The following COL4A6 variants were observed in gnomAD, a reference collection of about 807,000 sequenced individuals.
COL4A6 encodes collagen type IV alpha 6 chain.
A neutral mutation model predicts 126.7 loss-of-function variants in COL4A6; 59 were observed. That is an observed-to-expected ratio of 0.47 (90% CI 0.38 to 0.58). COL4A6 has a LOEUF of 0.58. COL4A6 is among the 20% of genes least tolerant of loss of function. COL4A6 has a pLI of 0.00. For synonymous variants in COL4A6, 547 were observed against 496.6 expected (o/e 1.10, Z -1.35); for missense variants, 1,285 against 1,337.3 (o/e 0.96, Z 0.61).
intron 2 of COL4A6, among the ~76,000 whole-genome samples, chrX:108,388,653 T>C (rs985057116): frequency 5.4e-5 from 6 of 111,752 alleles, no homozygotes; most frequent in African/African-American, 1.3e-4. Flanking sequence ...TTGTTGATCT[T>C]TTCAAAAAAC....
chrX:108,392,781 A>G (rs2040866508), intron 2 of COL4A6, among the ~76,000 whole-genome samples: 1 of 111,891 alleles, frequency 8.9e-6, no homozygotes, highest in Non-Finnish European at 1.9e-5. Context: ...TGCTTCCACC[A>G]CATGAGAACA....
intron 2 of COL4A6, among the ~76,000 whole-genome samples, chrX:108,322,008 T>G (rs995255027): frequency 9.0e-6 from 1 of 111,519 alleles, no homozygotes; most frequent in Non-Finnish European, 1.9e-5. Context: ...AGACCCAGGT[T>G]TGGCTCAAAA....
At chrX:108,178,337 A>G (rs746867561) in intron 27 of COL4A6, among the ~76,000 whole-genome samples, 2 of 112,497 alleles carry the variant, frequency 1.8e-5, no homozygotes, top group South Asian at 7.4e-4. Flanking sequence ...GGCTGCCCAC[A>G]GCACCAGTGA....
intron 3 of COL4A6, among the ~76,000 whole-genome samples, chrX:108,244,465 G>A (rs892577600): frequency 2.7e-4 from 30 of 111,193 alleles, no homozygotes; most frequent in African/African-American, 5.2e-4. Flanking sequence ...AATTCCTCAC[G>A]TCTTAGGATC....
chrX:108,287,290 G>A (rs12558204), intron 3 of COL4A6, among the ~76,000 whole-genome samples: 1 of 111,913 alleles, frequency 8.9e-6, no homozygotes, highest in African/African-American at 3.2e-5. Flanking sequence ...TTTCTCATTA[G>A]GAGTCCTATT....
chrX:108,362,098 A>C (rs1641673712), intron 2 of COL4A6, among the ~76,000 whole-genome samples: 1 of 110,735 alleles, frequency 9.0e-6, no homozygotes, highest in African/African-American at 3.3e-5. Flanking sequence ...AGAAAGAGAG[A>C]GAGAGACAGA....
At chrX:108,375,403 T>C (rs1032085890) in intron 2 of COL4A6, among the ~76,000 whole-genome samples, 5 of 111,622 alleles carry the variant, frequency 4.5e-5, no homozygotes, top group African/African-American at 1.6e-4. Flanking sequence ...TTTTTCTGAG[T>C]TACCTGGGGA....
intron 2 of COL4A6, among the ~76,000 whole-genome samples, chrX:108,435,361 C>T (rs974529725): frequency 6.3e-5 from 7 of 111,924 alleles, no homozygotes; most frequent in African/African-American, 2.3e-4. Context: ...CTAGACATTT[C>T]GCTAACACGA....
intron 10 of COL4A6, 78 bp from the exon 11 acceptor site, chrX:108,205,558 C>A (rs1036167233): frequency 7.7e-5 from 87 of 1,126,912 alleles, no homozygotes; most frequent in Non-Finnish European, 1.0e-4. Flanking sequence ...GGAATGCAAT[C>A]TTTTTTACCA....
intron 2 of COL4A6, among the ~76,000 whole-genome samples, chrX:108,393,712 G>T (rs1057315999): frequency 8.9e-6 from 1 of 112,067 alleles, no homozygotes; most frequent in African/African-American, 3.2e-5. Flanking sequence ...TTATTAGGTT[G>T]GTGCAAAAGT....
chrX:108,425,198 T>A (rs865958166), intron 2 of COL4A6, among the ~76,000 whole-genome samples: 7 of 75,117 alleles, frequency 9.3e-5, no homozygotes, highest in African/African-American at 2.4e-4. Flanking sequence ...TGTGTGTGTG[T>A]GTGTGAGAGA....
At chrX:108,183,674 T>C in intron 23 of COL4A6, 1 of 858,023 alleles carries the variant, frequency 1.2e-6, no homozygotes, top group Non-Finnish European at 1.5e-6. Context: ...AAAGGGGTGT[T>C]TAGCTAAGAC....
rs181944785 is a variant in COL4A6, at chrX:108,387,682, C to T, written c.63+50260G>A. On this transcript the variant is annotated intron_variant, in intron 2 of 44. Coordinates refer to ENST00000334504, the MANE Select transcript of COL4A6 (RefSeq NM_033641.4). ...ACAAACAGAGACAATTTGACTTCCT[C>T]TTTTCCTAATTGAATATCTTTTATT... Among the ~76,000 whole-genome samples, 3 of 111,968 alleles carry T rather than the reference C, an allele frequency of 2.7e-5. No homozygotes were observed. The East Asian group carries it at 8.4e-4, about 31-fold the overall frequency.
intron 2 of COL4A6, among the ~76,000 whole-genome samples, chrX:108,434,567 AT>A (rs1409870038): frequency 9.0e-6 from 1 of 110,980 alleles, no homozygotes; most frequent in Non-Finnish European, 1.9e-5. Flanking sequence ...AATTTTTGAA[AT>A]GGTTATATAT....
intron 23 of COL4A6, chrX:108,183,749 C>A: frequency 1.2e-6 from 1 of 868,161 alleles, no homozygotes; most frequent in Non-Finnish European, 1.4e-6. Flanking sequence ...TCTCCTTTAC[C>A]AACCTCTCTA....
chrX:108,188,399 C>G (rs2034936337), intron 21 of COL4A6, 118 bp downstream of exon 21: 1 of 765,146 alleles, frequency 1.3e-6, no homozygotes, highest in Non-Finnish European at 1.8e-6. Context: ...ATCAAAACCC[C>G]AAAACTTTGT....
chrX:108,342,345 T>C (rs140200929), intron 2 of COL4A6, among the ~76,000 whole-genome samples: 30 of 112,130 alleles, frequency 2.7e-4, no homozygotes, highest in African/African-American at 8.7e-4. Context: ...ATTCAATAAA[T>C]TGTATTCTAG....
In COL4A6 at chrX:108,204,358, C is replaced by T; in HGVS notation, c.742G>A (p.Glu248Lys). 1 of 1,203,978 alleles carries T rather than the reference C, an allele frequency of 8.3e-7. No homozygotes were observed. The highest frequency in any genetic ancestry group is 1.1e-6 in the Non-Finnish European group (1 of 890,927). Reference sequence around the variant, plus strand: ...TTCCCTTTGGGGAATCCCATGAATTCCAGCTCTCCAGTAGATGGTGGAGGT... The same window carrying T: ...TTCCCTTTGGGGAATCCCATGAATTTCAGCTCTCCAGTAGATGGTGGAGGT... ...AGPPPSTGEL[E>K]FMGFPKGKKG... is the part of the protein sequence containing the mutation. Residue 248 changes from glutamate (E) to lysine (K), a missense_variant, in exon 12 of 45, where the codon GAA becomes AAA. By Grantham distance (56) the Glu-to-Lys change is moderately conservative (BLOSUM62 1). Coordinates refer to ENST00000334504, the MANE Select transcript of COL4A6 (RefSeq NM_033641.4).
intron 2 of COL4A6, among the ~76,000 whole-genome samples, chrX:108,381,403 T>C (rs1318178494): frequency 8.9e-6 from 1 of 112,265 alleles, no homozygotes; most frequent in African/African-American, 3.2e-5. Context: ...GAGAAATATG[T>C]ATCTTTAAAA....
Sources: allele counts gnomAD v4.1 joint callset (sites outside exome capture counted in the v4.1 genomes callset), GRCh38; gene constraint gnomAD v4.1.1; transcripts MANE v1.5; gene names NCBI Gene and HGNC (gene_info 2026-07-23, HGNC 2026-07-21).